Variants in CNTN1 observed in about 807,000 individuals in gnomAD.
CNTN1 encodes contactin 1, also known as contactin-1.
In CNTN1, 38 loss-of-function variants were observed where a neutral mutation model predicts 126.4. The ratio of observed to expected loss-of-function variants is 0.30; its 90% CI spans 0.23 to 0.39. The LOEUF (loss-of-function observed/expected upper bound fraction) is 0.39. Among genes scored for constraint, CNTN1 ranks in the 10% least tolerant of loss-of-function variants. The pLI is 1.00. For synonymous variants in CNTN1, 413 were observed against 422.6 expected (o/e 0.98, Z 0.28); for missense variants, 1,009 against 1,248.4 (o/e 0.81, Z 2.89).
intron 23 of CNTN1, among the ~76,000 whole-genome samples, chr12:41,054,461 A>G (rs1200931095): frequency 6.6e-6 from 1 of 152,036 alleles, no homozygotes; most frequent in Non-Finnish European, 1.5e-5. Context: ...TGAAAATATG[A>G]TTAGAGTATC....
At chr12:40,850,002 A>G (rs1942660583) in intron 1 of CNTN1, among the ~76,000 whole-genome samples, 1 of 152,082 alleles carries the variant, frequency 6.6e-6, no homozygotes, top group Non-Finnish European at 1.5e-5. Flanking sequence ...TGGGTACTAT[A>G]CATATATGTA....
chr12:40,925,608 T>C (rs1188168532), intron 6 of CNTN1, among the ~76,000 whole-genome samples: 1 of 144,864 alleles, frequency 6.9e-6, no homozygotes, highest in Non-Finnish European at 1.5e-5. Context: ...TATATATACG[T>C]GTATATATAT....
chr12:40,699,625 T>C (rs1197154650), intron 1 of CNTN1, among the ~76,000 whole-genome samples: 1 of 152,252 alleles, frequency 6.6e-6, no homozygotes, highest in Non-Finnish European at 1.5e-5. Flanking sequence ...CACTTTTCTT[T>C]ATTTAATAAA....
intron 23 of CNTN1, among the ~76,000 whole-genome samples, chr12:41,036,473 G>GA (rs1253308076): frequency 6.6e-6 from 1 of 152,068 alleles, no homozygotes; most frequent in Non-Finnish European, 1.5e-5. Flanking sequence ...ATGAAAGAAG[G>GA]ACAATAAATT....
chr12:41,069,936 C>T, intron 23 of CNTN1, 23 bp from the exon 24 acceptor site: 1 of 1,594,554 alleles, frequency 6.3e-7, no homozygotes, highest in East Asian at 2.2e-5. Context: ...AAATAATATG[C>T]ACACTTTTGG....
rs80155247 is a variant in CNTN1, at chr12:40,756,650, A to G, written c.-77+64058A>G. ...TTTGCACTAGGTGTTCCCCGAGCCTAGAATGCTTTCCCCTAGATCTTGCAA... is the reference window on the plus strand; with the variant it reads ...TTTGCACTAGGTGTTCCCCGAGCCTGGAATGCTTTCCCCTAGATCTTGCAA... On this transcript the variant is annotated intron_variant, in intron 1 of 23. Transcript: ENST00000551295. Among the ~76,000 whole-genome samples the G allele has an allele frequency of 7.2e-3, 1,096 of 152,238 alleles. 13 individuals are homozygous for G. Among genetic ancestry groups the G allele is most frequent in the African/African-American group, 0.025 (1,055 of 41,556 alleles).
At chr12:41,057,028 TAAATATTATA>T (rs1566235278) in intron 23 of CNTN1, among the ~76,000 whole-genome samples, 5,725 of 75,164 alleles carry the variant, frequency 0.076, 1,123 homozygotes, top group Non-Finnish European at 0.1. Flanking sequence ...ATGATATTTA[TAAATATTATA>T]AATATTTAGA....
chr12:40,888,386 G>A lies in CNTN1; in HGVS notation c.-76-19971G>A, dbSNP rs1002434302. 4.6e-5 allele frequency among the ~76,000 whole-genome samples: 7 copies of A among 152,008 alleles called. No individual in the cohort carries two copies. In the South Asian group the frequency reaches 1.5e-3, roughly 32 times the overall value. ...AAAACAATAACTAATTTTTCATAGA[G>A]AAATGTTAAAATATGTCGAAAATAA... On this transcript the variant is annotated intron_variant, in intron 1 of 23. Transcript: ENST00000551295.
chr12:40,714,037 T>C (rs1941989579), intron 1 of CNTN1, among the ~76,000 whole-genome samples: 2 of 152,014 alleles, frequency 1.3e-5, no homozygotes, highest in Non-Finnish European at 2.9e-5. Flanking sequence ...TGACTATCTA[T>C]GTGGTGTGAG....
chr12:40,709,346 A>C (rs933366190), intron 1 of CNTN1, among the ~76,000 whole-genome samples: 7 of 152,208 alleles, frequency 4.6e-5, no homozygotes, highest in African/African-American at 1.7e-4. Context: ...CTGTAAACAG[A>C]TATGCTACAT....
chr12:41,007,217 G>A lies in CNTN1; in HGVS notation c.2114-7011G>A, dbSNP rs949081063. On this transcript the variant is annotated intron_variant, in intron 17 of 23. Transcript: ENST00000551295. Reference sequence around the variant, plus strand: ...TGGGACTACAGGCGCCCGCCACTACGCCCGGCTAATTTTTTTGTATTTTTA... The same window carrying A: ...TGGGACTACAGGCGCCCGCCACTACACCCGGCTAATTTTTTTGTATTTTTA... Among the ~76,000 whole-genome samples the A allele has an allele frequency of 6.6e-5, 10 of 151,478 alleles. No individual in the cohort carries two copies. In the East Asian group the frequency reaches 7.8e-4, roughly 12 times the overall value.
At chr12:41,038,715 T>G (rs1443734323) in intron 23 of CNTN1, among the ~76,000 whole-genome samples, 8 of 152,042 alleles carry the variant, frequency 5.3e-5, no homozygotes, top group Non-Finnish European at 1.0e-4. Context: ...GCAAACCTCA[T>G]AGAACTCACA....
At chr12:40,911,854 G>A (rs1252144562) in intron 3 of CNTN1, among the ~76,000 whole-genome samples, 2 of 152,174 alleles carry the variant, frequency 1.3e-5, no homozygotes, top group Non-Finnish European at 2.9e-5. Flanking sequence ...AAGAGTAATG[G>A]CATCACTCCC....
intron 1 of CNTN1, among the ~76,000 whole-genome samples, chr12:40,869,612 T>C (rs1943419262): frequency 6.6e-6 from 1 of 152,058 alleles, no homozygotes; most frequent in African/African-American, 2.4e-5. Context: ...AGTCAATTCA[T>C]CAGAATGAAC....
chr12:40,956,746 C>T (rs1477040125), intron 14 of CNTN1, among the ~76,000 whole-genome samples: 1 of 151,918 alleles, frequency 6.6e-6, no homozygotes, highest in Non-Finnish European at 1.5e-5. Flanking sequence ...GGCTTTTGTC[C>T]CAGGAAAGGG....
chr12:40,858,746 G>C (rs997008261), intron 1 of CNTN1, among the ~76,000 whole-genome samples: 5 of 152,140 alleles, frequency 3.3e-5, no homozygotes, highest in Non-Finnish European at 7.4e-5. Context: ...AACAGTGATA[G>C]ACTGGATAAA....
chr12:40,949,005 A>G (rs1314080923), intron 14 of CNTN1, among the ~76,000 whole-genome samples: 2 of 152,226 alleles, frequency 1.3e-5, no homozygotes, highest in Non-Finnish European at 2.9e-5. Context: ...CATTCAAGAG[A>G]GAAGAAGACA....
intron 1 of CNTN1, among the ~76,000 whole-genome samples, chr12:40,757,293 C>CA (rs67238182): frequency 0.99 from 149,985 of 152,108 alleles, 73,968 homozygotes; most frequent in Middle Eastern, 1. Context: ...TTGGGAAGGA[C>CA]AAAACTTTCA....
rs1212058635 is a variant in CNTN1 at position 40,976,535 on chromosome 12, TAAAAAAAGAAAAA to T, written c.1805-4362_1805-4350del. ...ATTGAGAGCGCATGGTAATGGAAAC[TAAAAAAAGAAAAA>T]AAAAAAAGAAAGAAAGAACTCAGGG... On this transcript the variant is annotated intron_variant, in intron 15 of 23. Coordinates refer to ENST00000551295, the MANE Select transcript of CNTN1 (RefSeq NM_001843.4). 2.7e-4 allele frequency among the ~76,000 whole-genome samples: 37 copies of T among 134,584 alleles called. No individual in the cohort carries two copies. The East Asian group carries it at 6.7e-3, about 24-fold the overall frequency. The allele number at this position is 134,584 out of a possible 152,430, so 88.3% of individuals were successfully genotyped here. A position where few individuals can be genotyped will look rare whatever the true frequency, so the allele number is the denominator to read the frequency against.
Sources: allele counts gnomAD v4.1 joint callset (sites outside exome capture counted in the v4.1 genomes callset), GRCh38; gene constraint gnomAD v4.1.1; transcripts MANE v1.5; gene names NCBI Gene and HGNC (gene_info 2026-07-23, HGNC 2026-07-21).